DCDC1: variants seen among roughly 807,000 people sequenced by gnomAD.
DCDC1 encodes the protein doublecortin domain-containing protein 1.
A neutral mutation model predicts 178.3 loss-of-function variants in DCDC1; 200 were observed. The observed-to-expected ratio is 1.12, with a 90% CI of 1.00 to 1.26. The LOEUF (loss-of-function observed/expected upper bound fraction) is 1.26. Ranked by LOEUF, DCDC1 falls within the 50% of genes most tolerant of loss-of-function variation. The probability of loss-of-function intolerance (pLI) is 0.00; values close to 1 mark genes in which losing one functional copy is unlikely to be tolerated. For synonymous variants in DCDC1, 690 were observed against 604.8 expected (o/e 1.14, Z -2.07); for missense variants, 1,983 against 1,749.2 (o/e 1.13, Z -2.38).
chr11:31,005,615 C>G (rs1951793517), intron 20 of DCDC1, among the ~76,000 whole-genome samples: 1 of 152,088 alleles, frequency 6.6e-6, no homozygotes, highest in Non-Finnish European at 1.5e-5. Flanking sequence ...TCTCAAAGAA[C>G]CTATAGTATA....
chr11:31,103,654 C>G lies in DCDC1; in HGVS notation c.1867G>C (p.Gly623Arg). ...FLDPNAVLLP[G>R]CGNWEVCEGF... is the part of the protein sequence containing the mutation. The stretch of plus-strand genomic sequence containing the variant: ...TACTTGTTAATTTACTTGCCACATC[C>G]AGGTAGCAGAACAGCATTAGGATCC... The change falls in exon 14 of 39, where the codon GGA becomes CGA. Residue 623 changes from glycine to arginine, a missense_variant. Coordinates refer to ENST00000684477, the MANE Select transcript of DCDC1 (RefSeq NM_001387274.1). 1 of 760,020 alleles carries G rather than the reference C, an allele frequency of 1.3e-6. No homozygotes were observed. Among genetic ancestry groups the G allele is most frequent in the Non-Finnish European group, 2.4e-6 (1 of 416,128 alleles). 47.1% of individuals were successfully genotyped at this position (760,020 alleles called of 1,614,324 possible).
At chr11:31,199,507 C>T (rs952277311) in intron 9 of DCDC1, among the ~76,000 whole-genome samples, 3 of 152,044 alleles carry the variant, frequency 2.0e-5, no homozygotes, top group East Asian at 1.9e-4. Flanking sequence ...GGCAAGGCAT[C>T]GAGACTGTCA....
chr11:31,232,160 C>G (rs920978012), intron 9 of DCDC1, among the ~76,000 whole-genome samples: 1 of 152,216 alleles, frequency 6.6e-6, no homozygotes, highest in Non-Finnish European at 1.5e-5. Context: ...CTGGAGAAGA[C>G]AGTCATTTTG....
chr11:31,137,699 T>C lies in DCDC1; in HGVS notation c.1307A>G (p.Gln436Arg). The C allele has an allele frequency of 1.4e-6, 1 of 702,694 alleles. No homozygotes were observed. The highest frequency in any genetic ancestry group is 2.6e-6 in the Non-Finnish European group (1 of 384,842). The allele number at this position is 702,694 out of a possible 1,614,324, so 43.5% of individuals were successfully genotyped here. The change falls in exon 10 of 39, where the codon CAG (glutamine) becomes CGG (arginine). Residue 436 changes from glutamine (Q) to arginine (R), a missense_variant. By Grantham distance (43) the Gln-to-Arg change is conservative. Coordinates refer to ENST00000684477, the MANE Select transcript of DCDC1 (RefSeq NM_001387274.1). ...ACAAAGTAATTTCCTTACTTCTTCCTGTTCCTTATGGTGTTCCTTTGCCGT... is the reference window on the plus strand; with the variant it reads ...ACAAAGTAATTTCCTTACTTCTTCCCGTTCCTTATGGTGTTCCTTTGCCGT... ...SMTAKEHHKEQEEVSRLIDEL... is the reference protein window; with the variant it reads ...SMTAKEHHKEREEVSRLIDEL...
At chr11:31,110,436 T>C (rs1959132799) in intron 11 of DCDC1, 75 bp from the exon 12 acceptor site, 1 of 608,874 alleles carries the variant, frequency 1.6e-6, no homozygotes. Flanking sequence ...CATACTTAGA[T>C]AAATTTAGGC....
In DCDC1 at chr11:30,922,607, T is replaced by C; in HGVS notation, c.3029A>G (p.Asn1010Ser). ...VYVSCGELWI[N>S]PDLSIAQQKK... Reference sequence around the variant, plus strand: ...TTGCTGAGCAATGGACAGGTCAGGATTGATCCAGAGTTCTCCACATGAAAC... The same window carrying C: ...TTGCTGAGCAATGGACAGGTCAGGACTGATCCAGAGTTCTCCACATGAAAC... Residue 1010 changes from asparagine to serine, a missense_variant, in exon 24 of 39, where the codon AAT (asparagine) becomes AGT (serine). By Grantham distance (46) the Asn-to-Ser change is conservative. Transcript: ENST00000684477. 2 of 1,574,778 alleles carry C rather than the reference T, an allele frequency of 1.3e-6. No homozygotes were observed. Among genetic ancestry groups the C allele is most frequent in the East Asian group, 2.4e-5 (1 of 42,278 alleles).
In DCDC1 at chr11:31,079,646, T is replaced by C. The variant is rs183855309; in HGVS notation, c.2238-1721A>G. On this transcript the variant is annotated intron_variant, in intron 17 of 38. Transcript: ENST00000684477. The stretch of plus-strand genomic sequence containing the variant: ...AGATAGTGGCAGAACTAAATTGAAT[T>C]GTAGGACACACAGCAGGTGTCCACT... 3.9e-5 allele frequency among the ~76,000 whole-genome samples: 6 copies of C among 152,170 alleles called. No individual in the cohort carries two copies. In the East Asian group the frequency reaches 1.2e-3, roughly 29 times the overall value.
At chr11:30,973,713 T>C (rs879632132) in intron 20 of DCDC1, among the ~76,000 whole-genome samples, 1 of 152,148 alleles carries the variant, frequency 6.6e-6, no homozygotes, top group Non-Finnish European at 1.5e-5. Context: ...ATTCTAAACA[T>C]ATATGCACCC....
At position 30,888,108 on chromosome 11, in the gene DCDC1, AAGAAAG is replaced by A. The variant is rs1565029868; in HGVS notation, c.5082+4704_5082+4709del. Among the ~76,000 whole-genome samples the A allele has an allele frequency of 1.6e-3, 182 of 114,114 alleles. 1 individual carries two copies. The highest frequency in any genetic ancestry group is 4.2e-3 in the Middle Eastern group (1 of 240). The allele number at this position is 114,114 out of a possible 152,430, so 74.9% of individuals were successfully genotyped here. A position where few individuals can be genotyped will look rare whatever the true frequency, so the allele number is the denominator to read the frequency against. On this transcript the variant is annotated intron_variant, in intron 36 of 38. Transcript: ENST00000684477. ...AGAAAGAAAGAAAGAAAAAGAAAGA[AAGAAAG>A]AAAGAAAGAAAGAAAGAAAGAAAGA...
intron 20 of DCDC1, among the ~76,000 whole-genome samples, chr11:31,008,074 C>T (rs544062527): frequency 3.3e-5 from 5 of 152,244 alleles, no homozygotes; most frequent in South Asian, 4.1e-4. Flanking sequence ...GAGGGATGAA[C>T]GCATCTCCTT....
intron 6 of DCDC1, among the ~76,000 whole-genome samples, chr11:31,302,971 T>C (rs1591699750): frequency 2.0e-5 from 3 of 152,202 alleles, no homozygotes; most frequent in East Asian, 3.8e-4. Context: ...ATCCATTTGA[T>C]TTATGTTGTA....
chr11:31,155,291 C>T (rs1965602873), intron 9 of DCDC1, among the ~76,000 whole-genome samples: 1 of 152,130 alleles, frequency 6.6e-6, no homozygotes, highest in Non-Finnish European at 1.5e-5. Context: ...CATCATCATC[C>T]ATCAGTAGAG....
chr11:31,366,010 A>G (rs1045689206), intron 1 of DCDC1, among the ~76,000 whole-genome samples: 10 of 152,334 alleles, frequency 6.6e-5, no homozygotes, highest in Non-Finnish European at 1.5e-4. Context: ...ATTAATAATA[A>G]CAACAATAGC....
At chr11:31,047,277 T>A (rs1450555609) in intron 20 of DCDC1, among the ~76,000 whole-genome samples, 1 of 152,206 alleles carries the variant, frequency 6.6e-6, no homozygotes, top group Non-Finnish European at 1.5e-5. Flanking sequence ...ATATTTAATG[T>A]AAGGAAAACA....
chr11:31,005,939 A>G (rs1198585288), intron 20 of DCDC1, among the ~76,000 whole-genome samples: 1 of 135,616 alleles, frequency 7.4e-6, no homozygotes, highest in Non-Finnish European at 1.6e-5. Flanking sequence ...ACAGGCATAT[A>G]GCTCTTATTC....
At chr11:31,026,301 AATG>A (rs1953228950) in intron 20 of DCDC1, among the ~76,000 whole-genome samples, 1 of 151,774 alleles carries the variant, frequency 6.6e-6, no homozygotes, top group Admixed American at 6.6e-5. Context: ...ACCTTTACAT[AATG>A]AAGACTAAAC....
intron 18 of DCDC1, among the ~76,000 whole-genome samples, chr11:31,075,366 C>T (rs994225447): frequency 2.0e-5 from 3 of 152,002 alleles, no homozygotes; most frequent in Admixed American, 1.3e-4. Context: ...AGTGCATGTA[C>T]CTTTTTGATA....
chr11:31,179,465 T>C (rs971232296), intron 9 of DCDC1, among the ~76,000 whole-genome samples: 3 of 152,196 alleles, frequency 2.0e-5, no homozygotes, highest in Admixed American at 6.5e-5. Flanking sequence ...AAATGTAGTA[T>C]GCATAAACAA....
chr11:31,011,009 G>T (rs1952134750), intron 20 of DCDC1, among the ~76,000 whole-genome samples: 1 of 152,020 alleles, frequency 6.6e-6, no homozygotes, highest in African/African-American at 2.4e-5. Flanking sequence ...GGAAAATAAT[G>T]CACTCATGAA....
Sources: gnomAD v4.1 joint callset for allele counts (sites outside exome capture counted in the v4.1 genomes callset) on GRCh38, gnomAD v4.1.1 for gene constraint, MANE v1.5 for transcripts, NCBI Gene and HGNC (gene_info 2026-07-23, HGNC 2026-07-21) for gene names.